Variants in BAZ2B observed in about 807,000 individuals in gnomAD.
BAZ2B encodes the protein bromodomain adjacent to zinc finger domain 2B.
Under a neutral mutation model 246.0 loss-of-function variants are expected in BAZ2B, and 91 were observed. The observed-to-expected ratio is 0.37, with a 90% CI of 0.31 to 0.44. The LOEUF (loss-of-function observed/expected upper bound fraction) is 0.44. Among genes scored for constraint, BAZ2B ranks in the 20% least tolerant of loss-of-function variants. The pLI is 1.00. For synonymous variants in BAZ2B, 855 were observed against 860.0 expected (o/e 0.99, Z 0.10); for missense variants, 2,332 against 2,533.7 (o/e 0.92, Z 1.71).
chr2:159,576,950 G>T (rs1258987423), intron 1 of BAZ2B, among the ~76,000 whole-genome samples: 2 of 149,810 alleles, frequency 1.3e-5, no homozygotes, highest in Non-Finnish European at 3.0e-5. Context: ...GTGTGGCCAG[G>T]CACGGTGGCT....
the BAZ2B span, among the ~76,000 whole-genome samples, chr2:159,639,306 A>G: frequency 6.6e-6 from 1 of 152,222 alleles, no homozygotes; most frequent in South Asian, 2.1e-4. Context: ...CCTCAATCTG[A>G]AAGAAAAGGA....
chr2:159,448,037 T>C (rs1252242193), intron 5 of BAZ2B, among the ~76,000 whole-genome samples: 2 of 152,002 alleles, frequency 1.3e-5, no homozygotes, highest in Admixed American at 6.6e-5. Context: ...GGCAGGAGGA[T>C]TGCTTGAGCC....
At chr2:159,496,290 C>A (rs1452759819) in intron 2 of BAZ2B, among the ~76,000 whole-genome samples, 3 of 146,770 alleles carry the variant, frequency 2.0e-5, no homozygotes, top group Non-Finnish European at 4.5e-5. Context: ...GCAGAGGAAT[C>A]CCTTGAACCC....
chr2:159,687,114 G>A, the BAZ2B span, among the ~76,000 whole-genome samples: 1 of 151,706 alleles, frequency 6.6e-6, no homozygotes, highest in African/African-American at 2.4e-5. Flanking sequence ...TGAGAAGGGT[G>A]TATTATACAG....
the BAZ2B span, among the ~76,000 whole-genome samples, chr2:159,629,932 T>C: frequency 1.3e-5 from 2 of 152,126 alleles, no homozygotes; most frequent in African/African-American, 2.4e-5. Context: ...GAAAGCAAGT[T>C]GGAGAAAAAT....
chr2:159,418,771 C>A (rs1443320483), intron 13 of BAZ2B, among the ~76,000 whole-genome samples: 1 of 152,116 alleles, frequency 6.6e-6, no homozygotes, highest in Non-Finnish European at 1.5e-5. Context: ...CAGTCCTGTG[C>A]CACTAGATGC....
intron 27 of BAZ2B, among the ~76,000 whole-genome samples, chr2:159,366,284 G>A (rs1028413822): frequency 3.3e-5 from 5 of 152,128 alleles, no homozygotes; most frequent in African/African-American, 9.7e-5. Context: ...ATAGCATGCC[G>A]ACAGTGTGTT....
chr2:159,680,057 C>T, the BAZ2B span, among the ~76,000 whole-genome samples: 2 of 152,176 alleles, frequency 1.3e-5, no homozygotes, highest in Non-Finnish European at 2.9e-5. Flanking sequence ...TGTTCTGTAA[C>T]ATTCTTAATC....
At chr2:159,370,964 C>A (rs1045809292) in intron 27 of BAZ2B, among the ~76,000 whole-genome samples, 1 of 151,818 alleles carries the variant, frequency 6.6e-6, no homozygotes, top group Non-Finnish European at 1.5e-5. Flanking sequence ...CGCCACCACA[C>A]CCGGCTAATT....
chr2:159,391,754 T>C (rs148357909), intron 20 of BAZ2B, among the ~76,000 whole-genome samples: 176 of 144,030 alleles, frequency 1.2e-3, no homozygotes, highest in African/African-American at 4.1e-3. Flanking sequence ...AAGTAAAATA[T>C]GGAATAGAAT....
the BAZ2B span, among the ~76,000 whole-genome samples, chr2:159,622,693 T>G: frequency 3.3e-5 from 5 of 151,950 alleles, no homozygotes; most frequent in African/African-American, 1.2e-4. Flanking sequence ...GCAAAATGAC[T>G]AGAGAGATAA....
chr2:159,414,844 C>G (rs578176404), intron 13 of BAZ2B, among the ~76,000 whole-genome samples: 1 of 151,216 alleles, frequency 6.6e-6, no homozygotes. Context: ...CTCATGTACC[C>G]CATATATATA....
Position 159,319,693 on chromosome 2 carries a change from T to A in BAZ2B, c.*572A>T, listed in dbSNP as rs1297184547. On this transcript the variant is annotated 3_prime_UTR_variant, in exon 37 of 37. Transcript: ENST00000392783. This position sits in a 1 kb window ranked among gnomAD's most constrained non-coding sequence, Gnocchi z 4.0. Reference sequence around the variant, plus strand: ...ACAGTAAAGTTTCTTTTTGGTGCTTTTATAGCACATCAGTGTAAACAGTTT... The same window carrying A: ...ACAGTAAAGTTTCTTTTTGGTGCTTATATAGCACATCAGTGTAAACAGTTT... 2 of 152,632 alleles carry A rather than the reference T, an allele frequency of 1.3e-5. No individual in the cohort carries two copies. The highest frequency in any genetic ancestry group is 4.8e-5 in the African/African-American group (2 of 41,460). 9.5% of individuals were successfully genotyped at this position (152,632 alleles called of 1,614,324 possible).
At chr2:159,603,832 C>T (rs1692755728) in intron 1 of BAZ2B, among the ~76,000 whole-genome samples, 1 of 152,188 alleles carries the variant, frequency 6.6e-6, no homozygotes, top group Admixed American at 6.6e-5. Context: ...ACCACAGACA[C>T]ATTTCACTCT....
At position 159,551,663 on chromosome 2, in the gene BAZ2B, C is replaced by A. The variant is rs541225219; in HGVS notation, c.-3+4160G>T. Among the ~76,000 whole-genome samples, 7 of 152,124 alleles carry A rather than the reference C, an allele frequency of 4.6e-5. No individual in the cohort carries two copies. The South Asian group carries it at 1.5e-3, about 32-fold the overall frequency. ...GATTAAGGGAGATTTAAGAAAATAA[C>A]CTCTGAATTATTTTATTATACTTTC... is the stretch of plus-strand genomic sequence containing the variant. On this transcript the variant is annotated intron_variant, in intron 2 of 36. Coordinates refer to ENST00000392783, the MANE Select transcript of BAZ2B (RefSeq NM_013450.4).
intron 20 of BAZ2B, among the ~76,000 whole-genome samples, chr2:159,393,238 GC>G (rs2063562737): frequency 1.3e-5 from 2 of 152,236 alleles, no homozygotes; most frequent in East Asian, 3.9e-4. Flanking sequence ...GCAATGAGAG[GC>G]CCCTGGATAG....
chr2:159,657,726 A>G, the BAZ2B span, among the ~76,000 whole-genome samples: 1 of 152,190 alleles, frequency 6.6e-6, no homozygotes, highest in South Asian at 2.1e-4. Flanking sequence ...GGTAATGTAA[A>G]AGGTATTGTT....
the BAZ2B span, among the ~76,000 whole-genome samples, chr2:159,665,962 C>G: frequency 6.6e-6 from 1 of 152,136 alleles, no homozygotes; most frequent in Non-Finnish European, 1.5e-5. Flanking sequence ...TCCCTGTTGA[C>G]TAATGATGTT....
rs1259932420 is a variant in BAZ2B at position 159,320,082 on chromosome 2, C to A, written c.*183G>T. The A allele has an allele frequency of 6.0e-6, 3 of 498,252 alleles. No homozygotes were observed. Among genetic ancestry groups the A allele is most frequent in the Non-Finnish European group, 9.7e-6 (3 of 308,092 alleles). The allele number at this position is 498,252 out of a possible 1,614,324, so 30.9% of individuals were successfully genotyped here. On this transcript the variant is annotated 3_prime_UTR_variant, in exon 37 of 37. Coordinates refer to ENST00000392783, the MANE Select transcript of BAZ2B (RefSeq NM_013450.4). ...AATCACACAAACCAATAACCGAGGG[C>A]CTTGGTTGTTGTAGGAATGAAGCCT...
Sources: gnomAD v4.1 joint callset for allele counts (sites outside exome capture counted in the v4.1 genomes callset) on GRCh38, gnomAD v4.1.1 for gene constraint, Gnocchi (gnomAD v3.1) non-coding constraint, MANE v1.5 for transcripts, NCBI Gene and HGNC (gene_info 2026-07-23, HGNC 2026-07-21) for gene names.